ASIC2: variants seen among roughly 807,000 people sequenced by gnomAD.
ASIC2 encodes the protein acid sensing ion channel subunit 2, also known as acid-sensing ion channel 2.
ASIC2 carries 25 observed loss-of-function variants against 57.3 expected under a neutral mutation model. The observed-to-expected ratio is 0.44, with a 90% CI of 0.32 to 0.61. ASIC2 has a LOEUF of 0.61. Among genes scored for constraint, ASIC2 ranks in the 20% least tolerant of loss-of-function variants. The pLI, the probability that ASIC2 is intolerant of heterozygous loss-of-function variation, is 0.06. For synonymous variants in ASIC2, 319 were observed against 307.5 expected, an observed-to-expected ratio of 1.04 and a Z score of -0.39; for missense variants, 641 against 738.1, an observed-to-expected ratio of 0.87 and a Z score of 1.52.
intron 1 of ASIC2, among the ~76,000 whole-genome samples, chr17:33,597,074 A>C (rs1038977893): frequency 6.6e-6 from 1 of 152,210 alleles, no homozygotes; most frequent in African/African-American, 2.4e-5. Context: ...CAAAGGCTTC[A>C]TGACAGGCTG....
At chr17:33,278,669 C>T (rs1247006778) in intron 1 of ASIC2, among the ~76,000 whole-genome samples, 1 of 152,072 alleles carries the variant, frequency 6.6e-6, no homozygotes, top group Non-Finnish European at 1.5e-5. Context: ...CCCTCTGTAT[C>T]CCATATTTCC....
intron 1 of ASIC2, among the ~76,000 whole-genome samples, chr17:34,094,758 TG>T (rs1910459324): frequency 1.3e-5 from 2 of 152,206 alleles, no homozygotes; most frequent in Admixed American, 1.3e-4. Context: ...GAAATTATGG[TG>T]TCAATGAATT....
chr17:33,379,749 G>A (rs551535467), intron 1 of ASIC2, among the ~76,000 whole-genome samples: 7 of 152,294 alleles, frequency 4.6e-5, no homozygotes, highest in South Asian at 4.1e-4. Context: ...TCATTTTACC[G>A]TTGCTAATAG....
intron 1 of ASIC2, among the ~76,000 whole-genome samples, chr17:33,881,103 A>T (rs1416649036): frequency 6.6e-6 from 1 of 152,210 alleles, no homozygotes; most frequent in African/African-American, 2.4e-5. Flanking sequence ...TATTGATAGG[A>T]CGTATCTCTA....
intron 1 of ASIC2, among the ~76,000 whole-genome samples, chr17:33,274,440 G>A (rs1904624540): frequency 6.6e-6 from 1 of 152,190 alleles, no homozygotes; most frequent in Non-Finnish European, 1.5e-5. Context: ...ACTGGTAAGA[G>A]GAAACTTAAC....
intron 1 of ASIC2, among the ~76,000 whole-genome samples, chr17:33,373,970 G>A (rs542063881): frequency 3.3e-5 from 5 of 151,642 alleles, no homozygotes; most frequent in Admixed American, 1.3e-4. Context: ...GAACCACTGC[G>A]CCCTGCTGTT....
chr17:34,031,089 C>T (rs1296000528), intron 1 of ASIC2, among the ~76,000 whole-genome samples: 3 of 152,220 alleles, frequency 2.0e-5, no homozygotes, highest in Non-Finnish European at 2.9e-5. Context: ...GACCCCTGAG[C>T]AGCCTAACTG....
intron 1 of ASIC2, among the ~76,000 whole-genome samples, chr17:33,767,757 G>A (rs1419353566): frequency 3.3e-5 from 5 of 152,138 alleles, no homozygotes; most frequent in Admixed American, 2.6e-4. Context: ...GTAACCTTGA[G>A]ACTATGAATA....
intron 1 of ASIC2, among the ~76,000 whole-genome samples, chr17:34,074,459 T>C (rs1395255310): frequency 6.6e-6 from 1 of 152,170 alleles, no homozygotes; most frequent in African/African-American, 2.4e-5. Flanking sequence ...TAGCACCCTC[T>C]CTCTATGCAT....
intron 1 of ASIC2, among the ~76,000 whole-genome samples, chr17:34,110,846 C>T (rs1378131579): frequency 6.6e-6 from 1 of 152,160 alleles, no homozygotes; most frequent in Non-Finnish European, 1.5e-5. Flanking sequence ...CTTTGTGACT[C>T]ATTTTTTGTG....
chr17:33,743,567 C>T (rs907589476), intron 1 of ASIC2, among the ~76,000 whole-genome samples: 4 of 152,234 alleles, frequency 2.6e-5, no homozygotes, highest in African/African-American at 7.2e-5. Flanking sequence ...ACAGATTTCC[C>T]TCCATAATAC....
At chr17:33,234,514 T>TATGAGGAGGGAGAG (rs1409943352) in intron 1 of ASIC2, among the ~76,000 whole-genome samples, 3 of 152,154 alleles carry the variant, frequency 2.0e-5, no homozygotes, top group African/African-American at 7.2e-5. Context: ...ATCTCCAGGG[T>TATGAGGAGGGAGAG]ATGAGGAGGG....
intron 1 of ASIC2, among the ~76,000 whole-genome samples, chr17:33,456,266 ATTG>A (rs376908289): frequency 1.9e-4 from 29 of 152,166 alleles, no homozygotes; most frequent in African/African-American, 4.6e-4. Context: ...TGGCTTCATT[ATTG>A]TTCTGTTTCC....
At chr17:33,821,139 T>C (rs1912735133) in intron 1 of ASIC2, among the ~76,000 whole-genome samples, 2 of 152,212 alleles carry the variant, frequency 1.3e-5, no homozygotes, top group African/African-American at 2.4e-5. Flanking sequence ...TGGGTATTGA[T>C]GGGGTTTGGA....
At chr17:33,811,318 C>T (rs1912413923) in intron 1 of ASIC2, among the ~76,000 whole-genome samples, 2 of 152,180 alleles carry the variant, frequency 1.3e-5, no homozygotes, top group African/African-American at 4.8e-5. Context: ...CAAAGGCTCC[C>T]ACGGGAGAAG....
At chr17:33,949,746 A>G (rs2141984270) in intron 1 of ASIC2, among the ~76,000 whole-genome samples, 1 of 152,326 alleles carries the variant, frequency 6.6e-6, no homozygotes, top group Non-Finnish European at 1.5e-5. Context: ...CGTGTTTGGT[A>G]CCAATCTTAT....
chr17:33,751,938 G>A (rs1476322367), intron 1 of ASIC2, among the ~76,000 whole-genome samples: 2 of 148,436 alleles, frequency 1.3e-5, no homozygotes, highest in East Asian at 4.0e-4. Context: ...GAAGCCGGGG[G>A]TGGGGGTGAG....
chr17:33,605,352 C>T (rs1905206645), intron 1 of ASIC2, among the ~76,000 whole-genome samples: 2 of 152,140 alleles, frequency 1.3e-5, no homozygotes, highest in African/African-American at 2.4e-5. Context: ...GTTTAAAAAC[C>T]CTCAGTGATA....
intron 1 of ASIC2, among the ~76,000 whole-genome samples, chr17:33,789,464 TCACACACACACA>T (rs3064584): frequency 2.1e-4 from 31 of 144,514 alleles, no homozygotes; most frequent in African/African-American, 6.5e-4. Flanking sequence ...AGAATCATGG[TCACACACACACA>T]CACACACACA....
Sources: gnomAD v4.1 joint callset for allele counts (sites outside exome capture counted in the v4.1 genomes callset) on GRCh38, gnomAD v4.1.1 for gene constraint, MANE v1.5 for transcripts, NCBI Gene and HGNC (gene_info 2026-07-23, HGNC 2026-07-21) for gene names.